Variants in GPC6 observed in about 807,000 individuals in gnomAD.
GPC6 encodes the protein glypican-6.
A neutral mutation model predicts 55.2 loss-of-function variants in GPC6; 14 were observed. The observed-to-expected ratio is 0.25, with a 90% CI of 0.17 to 0.40. The LOEUF is 0.40. GPC6 is among the 10% of genes least tolerant of loss of function. The pLI, the probability that GPC6 is intolerant of heterozygous loss-of-function variation, is 1.00. For synonymous variants in GPC6, 278 were observed against 259.6 expected, an observed-to-expected ratio of 1.07 and a Z score of -0.68; for missense variants, 641 against 708.5, an observed-to-expected ratio of 0.90 and a Z score of 1.08.
intron 1 of GPC6, among the ~76,000 whole-genome samples, chr13:93,350,655 T>C (rs536400755): frequency 6.6e-4 from 101 of 152,320 alleles, no homozygotes; most frequent in African/African-American, 2.4e-3. Context: ...CATTTCTCAC[T>C]GTGGTCTATT....
intron 1 of GPC6, among the ~76,000 whole-genome samples, chr13:93,371,703 G>A (rs147118761): frequency 6.6e-6 from 1 of 151,968 alleles, no homozygotes; most frequent in Non-Finnish European, 1.5e-5. Flanking sequence ...AAGCAGTAAG[G>A]CTATTAGGGA....
At chr13:93,218,021 A>G in the GPC6 span, among the ~76,000 whole-genome samples, 3 of 152,070 alleles carry the variant, frequency 2.0e-5, no homozygotes, top group Non-Finnish European at 4.4e-5. Context: ...CCAAAGGCAC[A>G]TCGCCGCCTG....
rs148474237 is a variant in GPC6 at position 93,396,576 on chromosome 13, A to AAATAATAAT, written c.161-148670_161-148662dup. On this transcript the variant is annotated intron_variant, in intron 1 of 8. Transcript: ENST00000377047. ...GAGCAAGACTCCATCTCAAAAAAGA[A>AAATAATAAT]AATAATAATAATAATAATAATAATA... Among the ~76,000 whole-genome samples, 182 of 150,404 alleles carry AAATAATAAT rather than the reference A, an allele frequency of 1.2e-3. 2 individuals carry two copies. The highest frequency in any genetic ancestry group is 1.9e-3 in the South Asian group (9 of 4,736).
intron 4 of GPC6, among the ~76,000 whole-genome samples, chr13:94,102,396 C>G (rs1049321679): frequency 6.6e-6 from 1 of 152,048 alleles, no homozygotes; most frequent in African/African-American, 2.4e-5. Context: ...TGTGGCTCTC[C>G]AGGGGCCTAC....
intron 1 of GPC6, among the ~76,000 whole-genome samples, chr13:93,376,776 C>CTTT (rs58608553): frequency 4.3e-5 from 6 of 139,754 alleles, no homozygotes; most frequent in Non-Finnish European, 4.7e-5. Flanking sequence ...TTCTTGCTCA[C>CTTT]TTTTTTTTTT....
At chr13:93,585,884 G>A (rs116160060) in intron 2 of GPC6, among the ~76,000 whole-genome samples, 7 of 152,118 alleles carry the variant, frequency 4.6e-5, no homozygotes, top group South Asian at 2.1e-4. Context: ...TCTTGCTACT[G>A]TACCAGAATC....
chr13:94,027,653 C>A, intron 3 of GPC6, 76 bp from the exon 4 acceptor site: 1 of 1,256,546 alleles, frequency 8.0e-7, no homozygotes, highest in Non-Finnish European at 1.2e-6. Context: ...TGGTTTATCA[C>A]TGCTATTTTG....
intron 2 of GPC6, among the ~76,000 whole-genome samples, chr13:93,700,991 T>G (rs1046414841): frequency 3.9e-5 from 6 of 152,114 alleles, no homozygotes; most frequent in Non-Finnish European, 8.8e-5. Context: ...AGATCAAATG[T>G]AAAACAATTT....
At chr13:94,029,663 C>A (rs1414761020) in intron 4 of GPC6, among the ~76,000 whole-genome samples, 2 of 152,122 alleles carry the variant, frequency 1.3e-5, no homozygotes, top group African/African-American at 4.8e-5. Flanking sequence ...TTCAGTCAGC[C>A]TGCAAGTTAT....
chr13:94,297,549 T>G (rs1875410132), intron 5 of GPC6, among the ~76,000 whole-genome samples: 1 of 152,178 alleles, frequency 6.6e-6, no homozygotes, highest in South Asian at 2.1e-4. Flanking sequence ...GCCTGAGAAA[T>G]GCAAATCCTT....
intron 1 of GPC6, among the ~76,000 whole-genome samples, chr13:93,392,620 G>A (rs994416466): frequency 1.3e-5 from 2 of 152,202 alleles, no homozygotes; most frequent in Admixed American, 1.3e-4. Flanking sequence ...GCTGGAAGCT[G>A]GGGAACCAGA....
chr13:93,248,391 A>C (rs1179031826), intron 1 of GPC6, among the ~76,000 whole-genome samples: 1 of 152,008 alleles, frequency 6.6e-6, no homozygotes, highest in East Asian at 1.9e-4. Context: ...GTTTGAAAAA[A>C]AAAAAGTCTA....
At chr13:94,167,613 A>G (rs575275895) in intron 4 of GPC6, among the ~76,000 whole-genome samples, 2 of 152,306 alleles carry the variant, frequency 1.3e-5, no homozygotes, top group South Asian at 4.1e-4. Context: ...GGAGAAGGGT[A>G]GGAATTTTCT....
chr13:94,082,023 T>C (rs1455808779), intron 4 of GPC6, among the ~76,000 whole-genome samples: 2 of 152,006 alleles, frequency 1.3e-5, no homozygotes, highest in Non-Finnish European at 2.9e-5. Context: ...GTATTTTTAG[T>C]AGAGACGGGG....
At chr13:94,151,848 G>T (rs1369528921) in intron 4 of GPC6, among the ~76,000 whole-genome samples, 2 of 152,136 alleles carry the variant, frequency 1.3e-5, no homozygotes, top group Non-Finnish European at 2.9e-5. Flanking sequence ...TTAGTGCAGA[G>T]TAAGTAACAT....
intron 5 of GPC6, among the ~76,000 whole-genome samples, chr13:94,300,106 C>T (rs748801251): frequency 7.9e-5 from 12 of 152,080 alleles, no homozygotes; most frequent in Non-Finnish European, 1.0e-4. Context: ...AGAATAGCAG[C>T]ACCTTTCCCC....
chr13:93,343,943 A>G (rs1426221065), intron 1 of GPC6, among the ~76,000 whole-genome samples: 1 of 152,042 alleles, frequency 6.6e-6, no homozygotes, highest in African/African-American at 2.4e-5. Context: ...CTAACTTCTC[A>G]TCCTTGCTAT....
At chr13:93,627,276 A>T (rs1169983152) in intron 2 of GPC6, among the ~76,000 whole-genome samples, 1 of 151,484 alleles carries the variant, frequency 6.6e-6, no homozygotes, top group East Asian at 2.0e-4. Flanking sequence ...TTCTTGTGTT[A>T]GTTTGCTGAG....
chr13:93,387,632 G>T (rs978208966), intron 1 of GPC6, among the ~76,000 whole-genome samples: 1 of 152,208 alleles, frequency 6.6e-6, no homozygotes, highest in African/African-American at 2.4e-5. Context: ...TCATAGGATT[G>T]TCAGAAGATC....
Sources: gnomAD v4.1 joint callset for allele counts (sites outside exome capture counted in the v4.1 genomes callset) on GRCh38, gnomAD v4.1.1 for gene constraint, MANE v1.5 for transcripts, NCBI Gene and HGNC (gene_info 2026-07-23, HGNC 2026-07-21) for gene names.